ASIC2: variants seen among roughly 807,000 people sequenced by gnomAD.
ASIC2 encodes acid-sensing ion channel 2.
Under a neutral mutation model 57.3 loss-of-function variants are expected in ASIC2, and 25 were observed. The observed-to-expected ratio is 0.44, with a 90% confidence interval of 0.32 to 0.61. The LOEUF is 0.61. ASIC2 is among the 20% of genes least tolerant of loss of function. The pLI is 0.06. For missense variants in ASIC2, 641 were observed against 738.1 expected (o/e 0.87, Z 1.52); for synonymous variants, 319 against 307.5 (o/e 1.04, Z -0.39).
Position 33,640,042 on chromosome 17 carries a change from G to T in ASIC2, c.555+515936C>A, listed in dbSNP as rs1319058340. Among the ~76,000 whole-genome samples, 3 of 152,172 alleles carry T rather than the reference G, an allele frequency of 2.0e-5. No individual in the cohort carries two copies. The East Asian group carries it at 5.8e-4, about 29-fold the overall frequency. On this transcript the variant is annotated intron_variant, in intron 1 of 9. Transcript: ENST00000359872. ...CTCCCTCACCCCTGGGCTTCTAAGG[G>T]AGGAGGATTTCTGATCGCTGTGTCG...
At chr17:33,840,876 T>C (rs1462493263) in intron 1 of ASIC2, among the ~76,000 whole-genome samples, 1 of 151,156 alleles carries the variant, frequency 6.6e-6, no homozygotes, top group Non-Finnish European at 1.5e-5. Flanking sequence ...ATGGCTTCTT[T>C]TGAGGGCACA....
At position 33,021,856 on chromosome 17, in the gene ASIC2, G is replaced by A. The variant is rs73273973; in HGVS notation, c.1350-546C>T. ...GCAAACTTACATCTGGCTGGGGGGT[G>A]TTCTGGCAGAAGCACCGCGGCTTGC... On this transcript the variant is annotated intron_variant, in intron 6 of 9. Coordinates refer to ENST00000225823, the MANE Select transcript of ASIC2 (RefSeq NM_183377.2). Among the ~76,000 whole-genome samples the A allele has an allele frequency of 8.9e-3, 1,359 of 152,322 alleles. 24 individuals are homozygous for A. Among genetic ancestry groups the A allele is most frequent in the African/African-American group, 0.031 (1,309 of 41,564 alleles).
intron 1 of ASIC2, among the ~76,000 whole-genome samples, chr17:33,432,103 T>C (rs1019174714): frequency 7.2e-5 from 11 of 152,184 alleles, no homozygotes; most frequent in Non-Finnish European, 1.5e-4. Flanking sequence ...AACATGAGGT[T>C]GAGCTGCGTG....
At chr17:33,756,593 C>T (rs1910610786) in intron 1 of ASIC2, among the ~76,000 whole-genome samples, 1 of 152,234 alleles carries the variant, frequency 6.6e-6, no homozygotes, top group Non-Finnish European at 1.5e-5. Context: ...CTTCTAGCAT[C>T]TGGACCCAGG....
chr17:33,997,392 G>C (rs1446476943), intron 1 of ASIC2, among the ~76,000 whole-genome samples: 4 of 143,714 alleles, frequency 2.8e-5, no homozygotes, highest in Non-Finnish European at 5.9e-5. Context: ...GAGCTCAAGC[G>C]ATCGGCCAGC....
chr17:33,369,581 C>T (rs2033136015), intron 1 of ASIC2, among the ~76,000 whole-genome samples: 1 of 152,190 alleles, frequency 6.6e-6, no homozygotes, highest in Non-Finnish European at 1.5e-5. Flanking sequence ...ATGCTGGGTA[C>T]TGGGCACTCT....
intron 1 of ASIC2, among the ~76,000 whole-genome samples, chr17:34,054,317 A>G (rs1281971572): frequency 2.0e-5 from 3 of 152,388 alleles, no homozygotes; most frequent in Non-Finnish European, 2.9e-5. Context: ...ATTGATGTCA[A>G]TGAAGTACGT....
At chr17:33,595,217 CTT>C (rs1278145427) in intron 1 of ASIC2, among the ~76,000 whole-genome samples, 1 of 152,102 alleles carries the variant, frequency 6.6e-6, no homozygotes, top group Non-Finnish European at 1.5e-5. Flanking sequence ...AAGAGCAAGA[CTT>C]TGTCTCAAAA....
At chr17:33,315,368 G>A (rs1284663971) in intron 1 of ASIC2, among the ~76,000 whole-genome samples, 1 of 152,168 alleles carries the variant, frequency 6.6e-6, no homozygotes, top group East Asian at 1.9e-4. Context: ...ATAAAGACAT[G>A]AAAGAAGAAT....
chr17:33,126,362 G>A (rs1362079815), intron 1 of ASIC2, among the ~76,000 whole-genome samples: 2 of 152,152 alleles, frequency 1.3e-5, no homozygotes, highest in African/African-American at 4.8e-5. Context: ...AGGGTTACAT[G>A]GAAACGAAGT....
At chr17:33,823,823 T>G (rs545113718) in intron 1 of ASIC2, among the ~76,000 whole-genome samples, 2 of 152,262 alleles carry the variant, frequency 1.3e-5, no homozygotes, top group South Asian at 4.2e-4. Flanking sequence ...TCTAACTCTA[T>G]CCCATGCCCA....
chr17:33,180,396 G>A (rs1905932445), intron 1 of ASIC2, among the ~76,000 whole-genome samples: 1 of 152,202 alleles, frequency 6.6e-6, no homozygotes, highest in Non-Finnish European at 1.5e-5. Flanking sequence ...GAAGCAGGAG[G>A]AGCGCCTTGT....
chr17:33,172,901 T>G (rs575418865), intron 1 of ASIC2, among the ~76,000 whole-genome samples: 1 of 152,174 alleles, frequency 6.6e-6, no homozygotes. Flanking sequence ...ATGGATGTAG[T>G]GGAAGGAATG....
chr17:33,259,901 G>A (rs2142143071), intron 1 of ASIC2, among the ~76,000 whole-genome samples: 1 of 152,298 alleles, frequency 6.6e-6, no homozygotes, highest in South Asian at 2.1e-4. Context: ...CCCAGGGGAT[G>A]CTGATGCTGC....
At chr17:33,508,521 C>A (rs537421767) in intron 1 of ASIC2, among the ~76,000 whole-genome samples, 1 of 152,268 alleles carries the variant, frequency 6.6e-6, no homozygotes, top group Non-Finnish European at 1.5e-5. Context: ...GGGGCCAGTC[C>A]AAGTTGGACC....
chr17:33,926,466 C>G (rs1359928599), intron 1 of ASIC2, among the ~76,000 whole-genome samples: 1 of 152,030 alleles, frequency 6.6e-6, no homozygotes, highest in Non-Finnish European at 1.5e-5. Flanking sequence ...ATACACATAG[C>G]CTGAAGATAA....
chr17:33,928,351 C>T (rs1915865889), intron 1 of ASIC2, among the ~76,000 whole-genome samples: 1 of 152,152 alleles, frequency 6.6e-6, no homozygotes, highest in Admixed American at 6.5e-5. Context: ...GGCAGGGGCA[C>T]TTCAGGGGTG....
intron 1 of ASIC2, among the ~76,000 whole-genome samples, chr17:33,840,544 G>A (rs762078903): frequency 4.6e-5 from 7 of 152,164 alleles, no homozygotes; most frequent in Non-Finnish European, 1.0e-4. Flanking sequence ...CTTCAGTGCT[G>A]AGCTAAGATG....
intron 1 of ASIC2, among the ~76,000 whole-genome samples, chr17:33,552,043 A>G (rs1597781286): frequency 6.6e-6 from 1 of 152,212 alleles, no homozygotes; most frequent in African/African-American, 2.4e-5. Context: ...ATGGGCTCAC[A>G]GCATGGAACA....
Sources: gnomAD v4.1 joint callset for allele counts (sites outside exome capture counted in the v4.1 genomes callset) on GRCh38, gnomAD v4.1.1 for gene constraint, MANE v1.5 for transcripts, NCBI Gene and HGNC (gene_info 2026-07-23, HGNC 2026-07-21) for gene names.